Variants in CACUL1 observed in about 807,000 individuals in gnomAD.
The protein encoded by CACUL1 is CDK2 associated cullin domain 1.
A neutral mutation model predicts 45.2 loss-of-function variants in CACUL1; 13 were observed. The ratio of observed to expected loss-of-function variants is 0.29; its 90% confidence interval spans 0.19 to 0.46. The LOEUF (loss-of-function observed/expected upper bound fraction) is 0.46, where lower values mean the gene tolerates loss of function less well. Ranked by LOEUF, CACUL1 falls within the 20% of genes least tolerant of loss-of-function variation. CACUL1 has a pLI of 1.00. For synonymous variants in CACUL1, 197 were observed against 174.2 expected (o/e 1.13, Z -1.03); for missense variants, 421 against 471.4 (o/e 0.89, Z 0.99).
intron 4 of CACUL1, among the ~76,000 whole-genome samples, chr10:118,703,345 A>G (rs981077727): frequency 6.6e-6 from 1 of 152,080 alleles, no homozygotes; most frequent in African/African-American, 2.4e-5. Context: ...TGAAAATATT[A>G]AACACTGCAT....
rs1218530424 is a variant in CACUL1 at position 118,676,872 on chromosome 10, A to ACACACACG, written c.*9255_*9256insCGTGTGTG. ...CACACACACACACACACACACACACACTGGGGTGTGCACACTACGGCATTA... is the reference window on the plus strand; with the variant it reads ...CACACACACACACACACACACACACACACACACGCTGGGGTGTGCACACTACGGCATTA... On this transcript the variant is annotated 3_prime_UTR_variant, in exon 9 of 9. Coordinates refer to ENST00000369151, the MANE Select transcript of CACUL1 (RefSeq NM_153810.5). 1 of 151,044 alleles carries ACACACACG rather than the reference A, an allele frequency of 6.6e-6. No individual in the cohort carries two copies. The highest frequency in any genetic ancestry group is 2.5e-5 in the African/African-American group (1 of 40,780). 9.4% of individuals were successfully genotyped at this position (151,044 alleles called of 1,614,324 possible).
Position 118,683,261 on chromosome 10 carries a change from T to C in CACUL1, c.*2867A>G, listed in dbSNP as rs1379211909. On this transcript the variant is annotated 3_prime_UTR_variant, in exon 9 of 9. Transcript: ENST00000369151. ...CTAGACAGTTGAAGCAAATCAGCCA[T>C]TGACTAACCAGACAACCAGCCTGCA... is the stretch of plus-strand genomic sequence containing the variant. 2.0e-5 allele frequency: 3 copies of C among 152,198 alleles called. No homozygotes were observed. Among genetic ancestry groups the C allele is most frequent in the African/African-American group, 4.8e-5 (2 of 41,520 alleles). The allele number at this position is 152,198 out of a possible 1,614,324, so 9.4% of individuals were successfully genotyped here.
rs200920100 is a variant in CACUL1, at chr10:118,754,776, G to A, written c.-14C>T. ...GCTTTCCTCCATCCTGCTGGCCCCC[G>A]GCACCCGCCCGCCTCACAGGCACCT... On this transcript the variant is annotated 5_prime_UTR_variant, in exon 1 of 9. Transcript: ENST00000369151. The A allele has an allele frequency of 7.1e-6, 11 of 1,540,062 alleles. No individual in the cohort carries two copies. The highest frequency in any genetic ancestry group is 1.4e-5 in the African/African-American group (1 of 70,022).
intron 1 of CACUL1, among the ~76,000 whole-genome samples, chr10:118,738,933 C>T (rs1271058066): frequency 1.5e-5 from 2 of 132,318 alleles, no homozygotes; most frequent in Non-Finnish European, 3.1e-5. Flanking sequence ...CGCTGTGGTT[C>T]ACGCCTGTAA....
intron 1 of CACUL1, among the ~76,000 whole-genome samples, chr10:118,731,762 A>C (rs1845699499): frequency 6.6e-6 from 1 of 152,240 alleles, no homozygotes; most frequent in South Asian, 2.1e-4. Flanking sequence ...TTTGCATGAA[A>C]CTATGGTGGG....
intron 1 of CACUL1, among the ~76,000 whole-genome samples, chr10:118,746,116 C>T (rs1279044407): frequency 1.4e-5 from 2 of 144,038 alleles, no homozygotes; most frequent in African/African-American, 5.1e-5. Context: ...CGCACCACTG[C>T]ACTCCAGCCT....
chr10:118,687,826 A>ATT (rs534912245), intron 7 of CACUL1, among the ~76,000 whole-genome samples: 2 of 149,542 alleles, frequency 1.3e-5, no homozygotes, highest in Admixed American at 6.6e-5. Flanking sequence ...ACTCAATATT[A>ATT]TTTTTTTTTT....
chr10:118,676,923 G>A lies in CACUL1; in HGVS notation c.*9205C>T, dbSNP rs982305496. On this transcript the variant is annotated 3_prime_UTR_variant, in exon 9 of 9. Transcript: ENST00000369151. ...AAGGCAGGTGAGTGAGTTTAATAGG[G>A]TTTTCGGTTTCATTGCTTGTATTCT... The A allele has an allele frequency of 6.6e-6, 1 of 151,454 alleles. No individual in the cohort carries two copies. Among genetic ancestry groups the A allele is most frequent in the Non-Finnish European group, 1.5e-5 (1 of 67,918 alleles). 9.4% of individuals were successfully genotyped at this position (151,454 alleles called of 1,614,324 possible).
rs34473974 is a variant in CACUL1 at position 118,683,389 on chromosome 10, C to CAAAAAAAAAA, written c.*2729_*2738dup. The CAAAAAAAAAA allele has an allele frequency of 3.8e-5, 4 of 105,716 alleles. No homozygotes were observed. Among genetic ancestry groups the CAAAAAAAAAA allele is most frequent in the African/African-American group, 7.9e-5 (2 of 25,248 alleles). 6.5% of individuals were successfully genotyped at this position (105,716 alleles called of 1,614,324 possible). On this transcript the variant is annotated 3_prime_UTR_variant, in exon 9 of 9. Transcript: ENST00000369151. Reference sequence around the variant, plus strand: ...ACCATATACTGTACTGGCAAGAATACAAAAAAAAAAAAAAAAAAGGCCAGG... The same window carrying CAAAAAAAAAA: ...ACCATATACTGTACTGGCAAGAATACAAAAAAAAAAAAAAAAAAAAAAAAAAAAGGCCAGG...
At chr10:118,691,585 A>G in intron 6 of CACUL1, 182 bp from the exon 7 acceptor site, 1 of 561,598 alleles carries the variant, frequency 1.8e-6, no homozygotes, top group Non-Finnish European at 3.1e-6. Flanking sequence ...AGAATTTTAC[A>G]GGCCGGGTGC....
At chr10:118,696,436 T>C (rs1845323823) in intron 5 of CACUL1, among the ~76,000 whole-genome samples, 1 of 150,064 alleles carries the variant, frequency 6.7e-6, no homozygotes, top group Non-Finnish European at 1.5e-5. Flanking sequence ...AGGTCAGGAG[T>C]TCAAGACCAA....
rs373801050 is a variant in CACUL1, at chr10:118,739,082, G to T, written c.368-8672C>A. Among the ~76,000 whole-genome samples the T allele has an allele frequency of 4.6e-5, 7 of 151,582 alleles. No homozygotes were observed. In the East Asian group the frequency reaches 7.8e-4, roughly 17 times the overall value. Reference sequence around the variant, plus strand: ...ATGGTGGCGGGCACCTGTATTCCCAGCTACTCGGGAGGCTGAGGCAAGAGA... The same window carrying T: ...ATGGTGGCGGGCACCTGTATTCCCATCTACTCGGGAGGCTGAGGCAAGAGA... On this transcript the variant is annotated intron_variant, in intron 1 of 8. Coordinates refer to ENST00000369151, the MANE Select transcript of CACUL1 (RefSeq NM_153810.5).
Position 118,686,120 on chromosome 10 carries a change from T to C in CACUL1, c.*8A>G. On this transcript the variant is annotated 3_prime_UTR_variant, in exon 9 of 9. Transcript: ENST00000369151. ...TTTTCAGGAAGGAAAGCATATTCAA[T>C]ACATTCACTATCTGTACCCCCTGGA... 6.2e-7 allele frequency: 1 copy of C among 1,607,876 alleles called. No homozygotes were observed. Among genetic ancestry groups the C allele is most frequent in the Admixed American group, 1.7e-5 (1 of 59,982 alleles).
chr10:118,714,322 T>C (rs930029406), intron 3 of CACUL1, among the ~76,000 whole-genome samples: 3 of 152,236 alleles, frequency 2.0e-5, no homozygotes, highest in Non-Finnish European at 2.9e-5. Flanking sequence ...TTCTCTGAGT[T>C]ATGTAGATCT....
chr10:118,703,587 A>C (rs1321753688), intron 4 of CACUL1, among the ~76,000 whole-genome samples: 1 of 152,186 alleles, frequency 6.6e-6, no homozygotes, highest in African/African-American at 2.4e-5. Flanking sequence ...AAATTCCTAG[A>C]GATACAATTC....
chr10:118,700,831 A>G (rs1845372730), intron 5 of CACUL1, among the ~76,000 whole-genome samples: 1 of 152,144 alleles, frequency 6.6e-6, no homozygotes, highest in East Asian at 1.9e-4. Context: ...AGGAGAGAAA[A>G]CTCAGGGCCA....
At position 118,716,610 on chromosome 10, in the gene CACUL1, T is replaced by C. The variant is rs1217449255; in HGVS notation, c.598-9023A>G. Among the ~76,000 whole-genome samples, 4 of 150,976 alleles carry C rather than the reference T, an allele frequency of 2.6e-5. No individual in the cohort carries two copies. In the East Asian group the frequency reaches 7.8e-4, roughly 30 times the overall value. Reference sequence around the variant, plus strand: ...CATCAGCAACAACACAACCTCTTTTTTTTTTTTTTTGAGACAGAGTCTCAC... The same window carrying C: ...CATCAGCAACAACACAACCTCTTTTCTTTTTTTTTTGAGACAGAGTCTCAC... On this transcript the variant is annotated intron_variant, in intron 3 of 8. Transcript: ENST00000369151.
At chr10:118,729,481 T>C (rs1185596987) in intron 2 of CACUL1, 84 bp from the exon 3 acceptor site, 5 of 883,118 alleles carry the variant, frequency 5.7e-6, no homozygotes, top group Admixed American at 2.1e-5. Flanking sequence ...ACTTTTGATA[T>C]ATAACCACTG....
At chr10:118,731,121 A>G (rs757569805) in intron 1 of CACUL1, among the ~76,000 whole-genome samples, 1 of 152,184 alleles carries the variant, frequency 6.6e-6, no homozygotes, top group Non-Finnish European at 1.5e-5. Flanking sequence ...AGTGGATCCT[A>G]ACAGCTTTGA....
Sources: gnomAD v4.1 joint callset for allele counts (sites outside exome capture counted in the v4.1 genomes callset) on GRCh38, gnomAD v4.1.1 for gene constraint, MANE v1.5 for transcripts, NCBI Gene and HGNC (gene_info 2026-07-23, HGNC 2026-07-21) for gene names.